GALNTL6: variants seen among roughly 807,000 people sequenced by gnomAD.
GALNTL6 encodes the protein polypeptide N-acetylgalactosaminyltransferase like 6.
A neutral mutation model predicts 73.7 loss-of-function variants in GALNTL6; 46 were observed. That is an observed-to-expected ratio of 0.62 (90% CI 0.49 to 0.80). The LOEUF (loss-of-function observed/expected upper bound fraction) is 0.80. GALNTL6 is among the 30% of genes least tolerant of loss of function. GALNTL6 has a pLI of 0.00. For missense variants in GALNTL6, 604 were observed against 755.0 expected, an observed-to-expected ratio of 0.80 and a Z score of 2.34; for synonymous variants, 259 against 263.7, an observed-to-expected ratio of 0.98 and a Z score of 0.17.
At chr4:172,669,875 T>C (rs888640311) in intron 5 of GALNTL6, among the ~76,000 whole-genome samples, 6 of 152,198 alleles carry the variant, frequency 3.9e-5, no homozygotes, top group Non-Finnish European at 7.3e-5. Flanking sequence ...TGTGACCATG[T>C]GTTCTCATCA....
chr4:172,413,320 G>A (rs1049103800), intron 5 of GALNTL6, among the ~76,000 whole-genome samples: 4 of 152,180 alleles, frequency 2.6e-5, no homozygotes, highest in South Asian at 4.1e-4. Context: ...TGATTACAGC[G>A]TCTTGATTTT....
intron 2 of GALNTL6, among the ~76,000 whole-genome samples, chr4:172,196,630 C>G (rs985094383): frequency 1.3e-5 from 2 of 152,152 alleles, no homozygotes; most frequent in Non-Finnish European, 1.5e-5. Context: ...CAATGCAAGG[C>G]TGGTTCAACT....
At chr4:172,122,977 T>C (rs1428853686) in intron 2 of GALNTL6, among the ~76,000 whole-genome samples, 1 of 152,238 alleles carries the variant, frequency 6.6e-6, no homozygotes, top group Non-Finnish European at 1.5e-5. Flanking sequence ...ACAGGTGTTT[T>C]ATAGCTTTTC....
At chr4:172,163,567 C>T (rs974279928) in intron 2 of GALNTL6, among the ~76,000 whole-genome samples, 4 of 151,958 alleles carry the variant, frequency 2.6e-5, no homozygotes, top group African/African-American at 9.7e-5. Context: ...TTTCTTATTT[C>T]CCTACAAGTC....
At chr4:172,282,908 A>T (rs1344525249) in intron 3 of GALNTL6, among the ~76,000 whole-genome samples, 1 of 152,172 alleles carries the variant, frequency 6.6e-6, no homozygotes, top group East Asian at 1.9e-4. Flanking sequence ...TTGGTGCATG[A>T]TACGGTTTAT....
intron 5 of GALNTL6, among the ~76,000 whole-genome samples, chr4:172,659,456 A>T (rs1215790767): frequency 6.6e-6 from 1 of 152,138 alleles, no homozygotes; most frequent in Non-Finnish European, 1.5e-5. Context: ...GGTGCTACTG[A>T]ACACTAGATC....
At chr4:172,867,705 G>A (rs1428623017) in intron 7 of GALNTL6, among the ~76,000 whole-genome samples, 2 of 152,150 alleles carry the variant, frequency 1.3e-5, no homozygotes, top group Non-Finnish European at 2.9e-5. Flanking sequence ...TCATCACATG[G>A]CCAGACCTCC....
chr4:172,095,412 G>GA (rs958233341), intron 2 of GALNTL6, among the ~76,000 whole-genome samples: 1 of 152,040 alleles, frequency 6.6e-6, no homozygotes, highest in East Asian at 1.9e-4. Flanking sequence ...GGAAGTGGTG[G>GA]AAAAAAATGC....
chr4:172,105,088 A>AG (rs924478638), intron 2 of GALNTL6, among the ~76,000 whole-genome samples: 6 of 152,176 alleles, frequency 3.9e-5, no homozygotes, highest in African/African-American at 1.4e-4. Flanking sequence ...AAATGTTCAA[A>AG]GGGAAAAAAA....
intron 3 of GALNTL6, among the ~76,000 whole-genome samples, chr4:172,286,460 A>G (rs77159355): frequency 1.8e-3 from 277 of 152,336 alleles, no homozygotes; most frequent in African/African-American, 6.3e-3. Flanking sequence ...TTGGCAGAAG[A>G]AGGCATAAAT....
intron 2 of GALNTL6, among the ~76,000 whole-genome samples, chr4:172,000,542 G>A (rs996761887): frequency 1.1e-4 from 16 of 152,112 alleles, no homozygotes; most frequent in Admixed American, 6.6e-4. Flanking sequence ...AAAGCTTGCC[G>A]AAGCAGGGAA....
chr4:172,451,580 A>G (rs767309327), intron 5 of GALNTL6, among the ~76,000 whole-genome samples: 8 of 152,206 alleles, frequency 5.3e-5, no homozygotes, highest in Non-Finnish European at 8.8e-5. Context: ...TTCAGCTTAT[A>G]CAGATGCAAG....
At chr4:172,550,966 C>T (rs550665582) in intron 5 of GALNTL6, among the ~76,000 whole-genome samples, 10 of 152,202 alleles carry the variant, frequency 6.6e-5, no homozygotes, top group Non-Finnish European at 8.8e-5. Context: ...AACATAGTCC[C>T]GCAGGAGATA....
chr4:172,749,732 A>G (rs936994192), intron 5 of GALNTL6, among the ~76,000 whole-genome samples: 1 of 151,926 alleles, frequency 6.6e-6, no homozygotes, highest in Non-Finnish European at 1.5e-5. Flanking sequence ...TGATAGCTTT[A>G]CAGCTCTTAA....
chr4:172,969,649 C>T (rs1750483317), intron 10 of GALNTL6, among the ~76,000 whole-genome samples: 1 of 152,160 alleles, frequency 6.6e-6, no homozygotes, highest in South Asian at 2.1e-4. Flanking sequence ...TAAAGATGCT[C>T]AAGATAAGAA....
intron 5 of GALNTL6, among the ~76,000 whole-genome samples, chr4:172,747,837 C>CA (rs374876929): frequency 0.46 from 60,873 of 131,552 alleles, 14,796 homozygotes; most frequent in East Asian, 0.68. Context: ...TATTCAGCTT[C>CA]AAAAAAAAAA....
In GALNTL6 at chr4:172,070,402, C is replaced by G. The variant is rs1007933331; in HGVS notation, c.139-159254C>G. Among the ~76,000 whole-genome samples the G allele has an allele frequency of 2.7e-5, 3 of 110,356 alleles. 1 individual carries two copies. The highest frequency in any genetic ancestry group is 6.0e-5 in the Non-Finnish European group (3 of 49,598). The allele number at this position is 110,356 out of a possible 152,430, so 72.4% of individuals were successfully genotyped here. A position where few individuals can be genotyped will look rare whatever the true frequency, so the allele number is the denominator to read the frequency against. On this transcript the variant is annotated intron_variant, in intron 2 of 12. Coordinates refer to ENST00000506823, the MANE Select transcript of GALNTL6 (RefSeq NM_001034845.3). The stretch of plus-strand genomic sequence containing the variant: ...AAAGTTAAGGTGTTGGCAACTTCAT[C>G]CCTCTGCTCTTATGAATGGATTAAT...
intron 5 of GALNTL6, among the ~76,000 whole-genome samples, chr4:172,390,124 G>A (rs1408509580): frequency 6.6e-6 from 1 of 151,972 alleles, no homozygotes; most frequent in Non-Finnish European, 1.5e-5. Flanking sequence ...GCAAAATAAA[G>A]GTCATTACTT....
At chr4:171,988,677 G>A (rs1054511066) in intron 2 of GALNTL6, among the ~76,000 whole-genome samples, 19 of 152,272 alleles carry the variant, frequency 1.2e-4, no homozygotes, top group Middle Eastern at 3.4e-3. Flanking sequence ...TAAAATGGGG[G>A]AATGGTAAGG....
Sources: gnomAD v4.1 joint callset for allele counts (sites outside exome capture counted in the v4.1 genomes callset) on GRCh38, gnomAD v4.1.1 for gene constraint, MANE v1.5 for transcripts, NCBI Gene and HGNC (gene_info 2026-07-23, HGNC 2026-07-21) for gene names.